Variants in BMPR2 observed in about 807,000 individuals in gnomAD.
BMPR2 encodes the protein bone morphogenetic protein receptor type 2.
A neutral mutation model predicts 100.8 loss-of-function variants in BMPR2; 29 were observed. The observed-to-expected ratio is 0.29, with a 90% CI of 0.21 to 0.39. The LOEUF is 0.39. BMPR2 is among the 10% of genes least tolerant of loss of function. The pLI, the probability that BMPR2 is intolerant of heterozygous loss-of-function variation, is 1.00. For missense variants in BMPR2, 1,011 were observed against 1,274.5 expected (o/e 0.79, Z 3.15); for synonymous variants, 382 against 442.3 (o/e 0.86, Z 1.71).
At chr2:202,535,273 T>C (rs1411418528) in intron 9 of BMPR2, among the ~76,000 whole-genome samples, 2 of 150,682 alleles carry the variant, frequency 1.3e-5, no homozygotes, top group African/African-American at 2.5e-5. Context: ...GCGGAGAGGC[T>C]CCTCACTTCT....
rs999004147 is a variant in BMPR2 at position 202,376,732 on chromosome 2, C to A, written c.-743C>A. 6.6e-6 allele frequency among the ~76,000 whole-genome samples: 1 copy of A among 150,738 alleles called. No homozygotes were observed. The highest frequency in any genetic ancestry group is 1.5e-5 in the Non-Finnish European group (1 of 67,696). On this transcript the variant is annotated 5_prime_UTR_variant, in exon 1 of 13. Transcript: ENST00000374580. Reference sequence around the variant, plus strand: ...AGCCTCTCACACCCACTCCGCCTGCCGTCTCGGGGAGCCCGGACCGGGGCC... The same window carrying A: ...AGCCTCTCACACCCACTCCGCCTGCAGTCTCGGGGAGCCCGGACCGGGGCC...
At chr2:202,446,809 G>A (rs575379562) in intron 1 of BMPR2, among the ~76,000 whole-genome samples, 1 of 149,198 alleles carries the variant, frequency 6.7e-6, no homozygotes, top group Non-Finnish European at 1.5e-5. Context: ...TACCTACCAC[G>A]CCCTGCTAAT....
chr2:202,481,168 T>TTTGTCTTCTC (rs1692652984), intron 3 of BMPR2, among the ~76,000 whole-genome samples: 3 of 150,284 alleles, frequency 2.0e-5, no homozygotes, highest in Admixed American at 2.0e-4. Context: ...TCTCTTCTCT[T>TTTGTCTTCTC]TTCTCTTCTC....
At position 202,393,932 on chromosome 2, in the gene BMPR2, A is replaced by AGAGATT. The variant is rs1553494924; in HGVS notation, c.76+16384_76+16385insGATTGA. On this transcript the variant is annotated intron_variant, in intron 1 of 12. Transcript: ENST00000374580. The stretch of plus-strand genomic sequence containing the variant: ...GAGAGAGAGAGAGAGAGAGAGAGAG[A>AGAGATT]GATTCCTGTGAGATTCAGCTGAGTC... 6.8e-4 allele frequency among the ~76,000 whole-genome samples: 84 copies of AGAGATT among 123,010 alleles called. 1 individual carries two copies. The highest frequency in any genetic ancestry group is 4.7e-3 in the Middle Eastern group (1 of 212). 80.7% of individuals were successfully genotyped at this position (123,010 alleles called of 152,430 possible).
intron 1 of BMPR2, among the ~76,000 whole-genome samples, chr2:202,453,955 C>A (rs1016705375): frequency 1.3e-5 from 2 of 151,894 alleles, no homozygotes. Context: ...TATGTACCCA[C>A]AAAAATAAAA....
In BMPR2 at chr2:202,541,117, C is replaced by T. The variant is rs184631724; in HGVS notation, c.1277-1194C>T. Reference sequence around the variant, plus strand: ...ATAAAATAGTTAATAATATTTAAGTCCATGATCTAAATACTACCTGTTAGT... The same window carrying T: ...ATAAAATAGTTAATAATATTTAAGTTCATGATCTAAATACTACCTGTTAGT... On this transcript the variant is annotated intron_variant, in intron 9 of 12. Coordinates refer to ENST00000374580, the MANE Select transcript of BMPR2 (RefSeq NM_001204.7). Among the ~76,000 whole-genome samples, 487 of 152,134 alleles carry T rather than the reference C, an allele frequency of 3.2e-3. 2 individuals are homozygous for T. Among genetic ancestry groups the T allele is most frequent in the African/African-American group, 0.011 (472 of 41,508 alleles).
chr2:202,397,824 C>CT (rs1180749115), intron 1 of BMPR2, among the ~76,000 whole-genome samples: 7 of 149,632 alleles, frequency 4.7e-5, no homozygotes, highest in Admixed American at 1.3e-4. Flanking sequence ...ATATTGTCAT[C>CT]TTTAAAGATT....
chr2:202,514,428 G>A (rs1243187219), intron 4 of BMPR2, among the ~76,000 whole-genome samples: 1 of 152,162 alleles, frequency 6.6e-6, no homozygotes, highest in Non-Finnish European at 1.5e-5. Context: ...GAGCCACTGC[G>A]TCCGGCCAAT....
intron 1 of BMPR2, among the ~76,000 whole-genome samples, chr2:202,435,407 ATG>A (rs1491362327): frequency 1.7e-4 from 22 of 128,112 alleles, no homozygotes; most frequent in Non-Finnish European, 2.8e-4. Context: ...ATATATATAT[ATG>A]TTTTTGTACA....
intron 3 of BMPR2, among the ~76,000 whole-genome samples, chr2:202,501,028 A>G (rs1687377562): frequency 6.6e-6 from 1 of 152,140 alleles, no homozygotes; most frequent in African/African-American, 2.4e-5. Flanking sequence ...TGGTTCTTCA[A>G]TATGTGGATG....
At chr2:202,448,177 C>T (rs1387409328) in intron 1 of BMPR2, among the ~76,000 whole-genome samples, 4 of 150,390 alleles carry the variant, frequency 2.7e-5, no homozygotes, top group Non-Finnish European at 4.4e-5. Flanking sequence ...TGGCCAGGCG[C>T]GGTGGCTCAA....
chr2:202,447,287 C>T (rs549265781), intron 1 of BMPR2, among the ~76,000 whole-genome samples: 4 of 150,394 alleles, frequency 2.7e-5, no homozygotes, highest in East Asian at 3.9e-4. Context: ...TGAGCCTGGG[C>T]GATGCTGTGA....
chr2:202,542,241 T>C (rs2106030716), intron 9 of BMPR2, 70 bp from the exon 10 acceptor site: 1 of 1,572,408 alleles, frequency 6.4e-7, no homozygotes, highest in African/African-American at 1.4e-5. Context: ...GTATCAGAAA[T>C]ACCCCTGTTA....
chr2:202,411,223 A>C (rs1691007918), intron 1 of BMPR2, among the ~76,000 whole-genome samples: 1 of 152,208 alleles, frequency 6.6e-6, no homozygotes, highest in South Asian at 2.1e-4. Context: ...ATACCACTCT[A>C]ACCTGGTGAC....
intron 1 of BMPR2, among the ~76,000 whole-genome samples, chr2:202,381,068 G>A (rs1305193343): frequency 5.7e-5 from 8 of 140,174 alleles, no homozygotes; most frequent in African/African-American, 1.1e-4. Flanking sequence ...TCTGCCTCCC[G>A]GGTTCAAGTG....
chr2:202,390,499 T>C (rs898418177), intron 1 of BMPR2, among the ~76,000 whole-genome samples: 3 of 152,014 alleles, frequency 2.0e-5, no homozygotes, highest in Non-Finnish European at 4.4e-5. Flanking sequence ...GCCTGGCTAA[T>C]TTTTGTATTT....
chr2:202,555,290 C>G lies in BMPR2; in HGVS notation c.1625C>G (p.Pro542Arg), dbSNP rs777145301. The change falls in exon 12 of 13, where the codon CCT (proline) becomes CGT (arginine). Residue 542 changes from proline to arginine, a missense_variant. Around this residue, in one of 6 missense-constraint regions of BMPR2, gnomAD observed 508 missense variants for 552.0 expected, o/e 0.92. Coordinates refer to ENST00000374580, the MANE Select transcript of BMPR2 (RefSeq NM_001204.7). ...AATAGGCGTGTGCCAAAAATTGGTC[C>G]TTATCCAGATTATTCTTCCTCCTCA... ...SHNRRVPKIG[P>R]YPDYSSSSYI... 6.2e-7 allele frequency: 1 copy of G among 1,614,130 alleles called. No individual in the cohort carries two copies. The highest frequency in any genetic ancestry group is 1.1e-5 in the South Asian group (1 of 91,078).
intron 1 of BMPR2, among the ~76,000 whole-genome samples, chr2:202,399,571 A>G (rs373190465): frequency 3.9e-5 from 6 of 152,260 alleles, no homozygotes; most frequent in Non-Finnish European, 8.8e-5. Context: ...GAGTTTAAGC[A>G]GAGTAATTTC....
intron 1 of BMPR2, among the ~76,000 whole-genome samples, chr2:202,377,922 A>T (rs868520845): frequency 6.6e-6 from 1 of 152,240 alleles, no homozygotes; most frequent in South Asian, 2.1e-4. Context: ...GTAGATTTTT[A>T]AAATTATTAT....
Sources: allele counts gnomAD v4.1 joint callset (sites outside exome capture counted in the v4.1 genomes callset), GRCh38; gene constraint gnomAD v4.1.1; regional missense constraint gnomAD v4.1.1; transcripts MANE v1.5; gene names NCBI Gene and HGNC (gene_info 2026-07-23, HGNC 2026-07-21).